MCM3AP: variants seen among roughly 807,000 people sequenced by gnomAD.
MCM3AP encodes minichromosome maintenance complex component 3 associated protein.
In MCM3AP, 126 loss-of-function variants were observed where a neutral mutation model predicts 184.1. The observed-to-expected ratio is 0.68, with a 90% CI of 0.59 to 0.79. The LOEUF (loss-of-function observed/expected upper bound fraction) is 0.79. Ranked by LOEUF, MCM3AP falls within the 30% of genes least tolerant of loss-of-function variation. The pLI is 0.00. For missense variants in MCM3AP, 2,496 were observed against 2,479.2 expected (o/e 1.01, Z -0.14); for synonymous variants, 1,002 against 979.3 (o/e 1.02, Z -0.43).
intron 15 of MCM3AP, 81 bp from the exon 16 acceptor site, chr21:46,259,172 T>C: frequency 6.2e-6 from 9 of 1,449,970 alleles, no homozygotes; most frequent in Non-Finnish European, 8.4e-6. Context: ...AGTGCAAGAG[T>C]CAGTCAGGCG....
intron 20 of MCM3AP, chr21:46,247,281 G>C (rs1315864847): frequency 5.7e-6 from 1 of 175,408 alleles, no homozygotes; most frequent in Admixed American, 5.6e-5. Flanking sequence ...TAAAGAAAAC[G>C]TCAAATAACA....
chr21:46,270,062 A>G (rs1382402943), intron 9 of MCM3AP, among the ~76,000 whole-genome samples: 1 of 152,246 alleles, frequency 6.6e-6, no homozygotes, highest in East Asian at 1.9e-4. Context: ...AAGCATTTCA[A>G]AGTCAGAGAT....
intron 13 of MCM3AP, among the ~76,000 whole-genome samples, chr21:46,262,695 C>T (rs561346895): frequency 5.9e-5 from 9 of 151,542 alleles, no homozygotes; most frequent in African/African-American, 2.2e-4. Context: ...AGGCCGGGCG[C>T]GGTGGCTCAC....
chr21:46,242,548 G>A (rs1437116320), intron 25 of MCM3AP: 4 of 278,200 alleles, frequency 1.4e-5, no homozygotes, highest in Non-Finnish European at 2.6e-5. Flanking sequence ...AAATTTGGAA[G>A]TGAGATGAAA....
rs551648869 is a variant in MCM3AP, at chr21:46,267,231, T to C, written c.2629-89A>G. 5.4e-5 allele frequency: 66 copies of C among 1,232,158 alleles called. No homozygotes were observed. In the African/African-American group the frequency reaches 9.2e-4, roughly 17 times the overall value. 76.3% of individuals were successfully genotyped at this position (1,232,158 alleles called of 1,614,324 possible). ...CCCATGACCACAGCCATGGCCAGCG[T>C]GGGGCACATGGGCTCCTCCTGGGCT... is the stretch of plus-strand genomic sequence containing the variant. On this transcript the variant is annotated intron_variant, in intron 9 of 27. Coordinates refer to ENST00000291688, the MANE Select transcript of MCM3AP (RefSeq NM_003906.5).
chr21:46,237,090 A>T, intron 26 of MCM3AP, 111 bp from the exon 27 acceptor site: 1 of 421,656 alleles, frequency 2.4e-6, no homozygotes, highest in Non-Finnish European at 3.7e-6. Flanking sequence ...CTTTTTTAAA[A>T]TTTTATATAA....
intron 1 of MCM3AP, 88 bp from the exon 2 acceptor site, chr21:46,283,926 G>T: frequency 6.5e-7 from 1 of 1,548,928 alleles, no homozygotes; most frequent in Non-Finnish European, 8.8e-7. Context: ...GAAATTTTCA[G>T]ATGTAAGACC....
At position 46,235,153 on chromosome 21, in the gene MCM3AP, T is replaced by C; in HGVS notation, c.*115A>G. On this transcript the variant is annotated 3_prime_UTR_variant, in exon 28 of 28. Transcript: ENST00000291688. ...GAGACTGACATTTAAATGGTTTATC[T>C]GCATGATTAAATTAATCACATTTCC... The C allele has an allele frequency of 8.5e-7, 1 of 1,172,020 alleles. No homozygotes were observed. The highest frequency in any genetic ancestry group is 1.2e-6 in the Non-Finnish European group (1 of 829,426). 72.6% of individuals were successfully genotyped at this position (1,172,020 alleles called of 1,614,324 possible).
Position 46,270,405 on chromosome 21 carries a change from C to A in MCM3AP, c.2624G>T (p.Ser875Ile). Residue 875 changes from serine to isoleucine, a missense_variant, in exon 9 of 28, where the codon AGT (serine) becomes ATT (isoleucine). Ser to Ile is a moderately radical substitution (Grantham distance 142, BLOSUM62 -2). This residue lies in a region of MCM3AP where 138 missense variants were observed against 191.9 expected (regional missense o/e 0.72). Transcript: ENST00000291688. Reference sequence around the variant, plus strand: ...AAGCACAGCTCATTTACTCACCTGACTGAAGTAACAGTGTAAAAGACAAGC... The same window carrying A: ...AAGCACAGCTCATTTACTCACCTGAATGAAGTAACAGTGTAAAAGACAAGC... ...LNACLLHCYF[S>I]QIRKDALRAL... The A allele has an allele frequency of 6.2e-7, 1 of 1,609,956 alleles. No homozygotes were observed. The highest frequency in any genetic ancestry group is 1.1e-5 in the South Asian group (1 of 89,924).
rs761204666 is a variant in MCM3AP at position 46,264,237 on chromosome 21, G to C, written c.3235-20C>G. On this transcript the variant is annotated intron_variant, in intron 12 of 27. Transcript: ENST00000291688. ...CAGGTCCTGTGGAGAGACCAGCATG[G>C]GGTGTAATGGAACGTCCCACCCAGG... The C allele has an allele frequency of 6.6e-7, 1 of 1,519,342 alleles. No homozygotes were observed. Among genetic ancestry groups the C allele is most frequent in the Non-Finnish European group, 9.1e-7 (1 of 1,097,910 alleles). 94.1% of individuals were successfully genotyped at this position (1,519,342 alleles called of 1,614,324 possible). A position where few individuals can be genotyped will look rare whatever the true frequency, so the allele number is the denominator to read the frequency against.
chr21:46,258,891 ACT>A (rs765143190), intron 16 of MCM3AP, 46 bp downstream of exon 16: 1 of 1,604,162 alleles, frequency 6.2e-7, no homozygotes, highest in East Asian at 2.2e-5. Context: ...TTGTTAAAAG[ACT>A]CTTCCCCGTG....
chr21:46,279,882 C>G lies in MCM3AP; in HGVS notation c.1667+111G>C. The G allele has an allele frequency of 3.6e-6, 4 of 1,102,100 alleles. No individual in the cohort carries two copies. The South Asian group carries it at 7.4e-5, about 20-fold the overall frequency. The allele number at this position is 1,102,100 out of a possible 1,614,324, so 68.3% of individuals were successfully genotyped here. On this transcript the variant is annotated intron_variant, in intron 4 of 27. Coordinates refer to ENST00000291688, the MANE Select transcript of MCM3AP (RefSeq NM_003906.5). ...ACCCCCAACCATCCCTAGCAACTGGCTTTTGTCTCCTCACCACTCCCCACA... is the reference window on the plus strand; with the variant it reads ...ACCCCCAACCATCCCTAGCAACTGGGTTTTGTCTCCTCACCACTCCCCACA...
chr21:46,281,821 G>A (rs1187594285), intron 2 of MCM3AP, among the ~76,000 whole-genome samples: 1 of 151,676 alleles, frequency 6.6e-6, no homozygotes, highest in Non-Finnish European at 1.5e-5. Flanking sequence ...CCAACGTGGT[G>A]AAACCCCCTC....
chr21:46,283,892 G>T (rs1601551671), intron 1 of MCM3AP, 54 bp from the exon 2 acceptor site: 1 of 1,558,886 alleles, frequency 6.4e-7, no homozygotes, highest in African/African-American at 1.4e-5. Flanking sequence ...AACAACAGGA[G>T]GCACCAACTG....
At chr21:46,281,355 C>G (rs1426710526) in intron 2 of MCM3AP, among the ~76,000 whole-genome samples, 1 of 152,198 alleles carries the variant, frequency 6.6e-6, no homozygotes, top group Non-Finnish European at 1.5e-5. Context: ...AAATACACAT[C>G]ACACTAGTTA....
chr21:46,265,273 G>T, intron 12 of MCM3AP, 48 bp downstream of exon 12: 2 of 1,570,732 alleles, frequency 1.3e-6, no homozygotes, highest in Non-Finnish European at 8.7e-7. Context: ...GGACGTTTGC[G>T]CACAATGGGC....
intron 20 of MCM3AP, chr21:46,247,123 C>CT (rs35214687): frequency 0.031 from 11,714 of 375,318 alleles, 21 homozygotes; most frequent in East Asian, 0.046. Context: ...TCCCCTCAAC[C>CT]TTTTTTTTTT....
At position 46,246,519 on chromosome 21, in the gene MCM3AP, G is replaced by C; in HGVS notation, c.4549+109C>G. ...GCAGTGGACAGTCACCACAGGGGTT[G>C]CTGTCTCAGTGATTCCTGACCCCAA... On this transcript the variant is annotated intron_variant, in intron 21 of 27. Transcript: ENST00000291688. 2.1e-6 allele frequency: 3 copies of C among 1,462,754 alleles called. No individual in the cohort carries two copies. The South Asian group carries it at 3.4e-5, about 17-fold the overall frequency. 90.6% of individuals were successfully genotyped at this position (1,462,754 alleles called of 1,614,324 possible). A position where few individuals can be genotyped will look rare whatever the true frequency, so the allele number is the denominator to read the frequency against.
intron 13 of MCM3AP, among the ~76,000 whole-genome samples, chr21:46,262,944 G>A (rs2145669790): frequency 6.9e-6 from 1 of 145,272 alleles, no homozygotes; most frequent in South Asian, 2.2e-4. Flanking sequence ...CTCCAGCCTG[G>A]GCGACAGGGA....
Sources: allele counts gnomAD v4.1 joint callset (sites outside exome capture counted in the v4.1 genomes callset), GRCh38; gene constraint gnomAD v4.1.1; regional missense constraint gnomAD v4.1.1; transcripts MANE v1.5; gene names NCBI Gene and HGNC (gene_info 2026-07-23, HGNC 2026-07-21).